Variants in RALYL observed in about 807,000 individuals in gnomAD.
RALYL encodes the protein RNA-binding Raly-like protein.
A neutral mutation model predicts 35.1 loss-of-function variants in RALYL; 29 were observed. The ratio of observed to expected loss-of-function variants is 0.83; its 90% CI spans 0.61 to 1.13. The LOEUF is 1.13. Among genes scored for constraint, RALYL ranks in the 50% most tolerant of loss-of-function variants. The probability of loss-of-function intolerance (pLI) is 0.00; values close to 1 mark genes in which losing one functional copy is unlikely to be tolerated. For synonymous variants in RALYL, 120 were observed against 127.6 expected (o/e 0.94, Z 0.40); for missense variants, 359 against 360.4 (o/e 1.00, Z 0.03).
intron 2 of RALYL, among the ~76,000 whole-genome samples, chr8:84,606,320 A>T (rs1292118823): frequency 6.6e-6 from 1 of 152,110 alleles, no homozygotes; most frequent in Non-Finnish European, 1.5e-5. Flanking sequence ...TTCAGCAAAA[A>T]TCCCCCAGTT....
At chr8:84,822,720 C>G (rs1328228490) in intron 4 of RALYL, among the ~76,000 whole-genome samples, 1 of 152,096 alleles carries the variant, frequency 6.6e-6, no homozygotes, top group African/African-American at 2.4e-5. Flanking sequence ...TTAGACTTAA[C>G]TAACAATATG....
At chr8:84,285,173 G>A (rs1451651876) in intron 1 of RALYL, among the ~76,000 whole-genome samples, 2 of 152,078 alleles carry the variant, frequency 1.3e-5, no homozygotes, top group African/African-American at 4.8e-5. Context: ...ACACGGCTCC[G>A]TGTCATCACT....
At chr8:84,491,592 A>T (rs1420720104) in intron 1 of RALYL, among the ~76,000 whole-genome samples, 2 of 151,986 alleles carry the variant, frequency 1.3e-5, no homozygotes, top group Non-Finnish European at 2.9e-5. Context: ...CTCAAAAGTG[A>T]TTTTGAGCTG....
chr8:84,706,202 C>A, intron 2 of RALYL: 1 of 767,622 alleles, frequency 1.3e-6, no homozygotes, highest in Non-Finnish European at 2.1e-6. Flanking sequence ...TAACCTTTAT[C>A]TTTATTCCTG....
intron 3 of RALYL, among the ~76,000 whole-genome samples, chr8:84,784,408 CTT>C (rs1818891460): frequency 6.6e-6 from 1 of 152,138 alleles, no homozygotes; most frequent in Non-Finnish European, 1.5e-5. Flanking sequence ...TAGTCTCACT[CTT>C]ACAATGTGAA....
At chr8:84,761,858 C>A (rs750853724) in intron 2 of RALYL, among the ~76,000 whole-genome samples, 7 of 152,036 alleles carry the variant, frequency 4.6e-5, no homozygotes, top group Non-Finnish European at 7.4e-5. Context: ...GTTATAAATC[C>A]TTTGGAAAAC....
chr8:84,789,815 A>G (rs1035949036), intron 3 of RALYL, among the ~76,000 whole-genome samples: 2 of 152,162 alleles, frequency 1.3e-5, no homozygotes, highest in Non-Finnish European at 2.9e-5. Flanking sequence ...AGCTGTAATC[A>G]CTCCAGCCAG....
intron 2 of RALYL, among the ~76,000 whole-genome samples, chr8:84,619,577 C>T (rs1244664925): frequency 6.9e-6 from 1 of 145,750 alleles, no homozygotes; most frequent in Non-Finnish European, 1.5e-5. Flanking sequence ...TTAATTGGAG[C>T]ATTTAGTCCA....
At chr8:84,276,984 T>C (rs1835518156) in intron 1 of RALYL, among the ~76,000 whole-genome samples, 1 of 152,190 alleles carries the variant, frequency 6.6e-6, no homozygotes, top group Admixed American at 6.5e-5. Flanking sequence ...GCAATGCTGA[T>C]GTAAGGTGAA....
At chr8:84,796,230 C>A (rs1358098511) in intron 3 of RALYL, among the ~76,000 whole-genome samples, 1 of 152,172 alleles carries the variant, frequency 6.6e-6, no homozygotes, top group Non-Finnish European at 1.5e-5. Context: ...CCTAATAAAT[C>A]TTTTGCTCTC....
At chr8:84,523,977 C>T (rs1345961758) in intron 1 of RALYL, among the ~76,000 whole-genome samples, 1 of 152,042 alleles carries the variant, frequency 6.6e-6, no homozygotes, top group East Asian at 1.9e-4. Flanking sequence ...AATAAACATA[C>T]ATGTGCATGT....
chr8:84,614,654 C>T lies in RALYL; in HGVS notation c.256+85077C>T, dbSNP rs943323514. Among the ~76,000 whole-genome samples, 28 of 151,292 alleles carry T rather than the reference C, an allele frequency of 1.9e-4. 1 individual carries two copies. Among genetic ancestry groups the T allele is most frequent in the African/African-American group, 5.6e-4 (23 of 40,842 alleles). ...TTGCCCTATTTTTAATGGCAAAAAC[C>T]ACAATTACCTTTGCACCAACCTACT... On this transcript the variant is annotated intron_variant, in intron 2 of 8. Coordinates refer to ENST00000521268, the MANE Select transcript of RALYL (RefSeq NM_173848.7).
intron 1 of RALYL, among the ~76,000 whole-genome samples, chr8:84,461,038 T>C (rs1029680791): frequency 6.6e-6 from 1 of 151,660 alleles, no homozygotes; most frequent in Non-Finnish European, 1.5e-5. Flanking sequence ...TTTTATTCTT[T>C]GCATTTTGAA....
At chr8:84,909,045 A>G (rs1280761563) in intron 8 of RALYL, among the ~76,000 whole-genome samples, 1 of 152,156 alleles carries the variant, frequency 6.6e-6, no homozygotes, top group East Asian at 1.9e-4. Flanking sequence ...CTCAGCAGGC[A>G]GATGGCCCTC....
intron 2 of RALYL, among the ~76,000 whole-genome samples, chr8:84,773,574 A>G (rs1484804544): frequency 6.6e-6 from 1 of 151,866 alleles, no homozygotes; most frequent in Non-Finnish European, 1.5e-5. Flanking sequence ...AGTTGTATGC[A>G]TAGACTGTTT....
chr8:84,445,986 T>C (rs2048810420), intron 1 of RALYL, among the ~76,000 whole-genome samples: 1 of 151,896 alleles, frequency 6.6e-6, no homozygotes, highest in South Asian at 2.1e-4. Context: ...AAAATATTGA[T>C]TTTCAAATTT....
chr8:84,454,643 T>C (rs2049929442), intron 1 of RALYL, among the ~76,000 whole-genome samples: 1 of 152,112 alleles, frequency 6.6e-6, no homozygotes, highest in African/African-American at 2.4e-5. Flanking sequence ...CTCCTTCACT[T>C]GGCATTCGCC....
intron 1 of RALYL, among the ~76,000 whole-genome samples, chr8:84,482,602 C>T (rs75049454): frequency 0.039 from 5,973 of 152,084 alleles, 234 homozygotes; most frequent in African/African-American, 0.098. Context: ...CCATAATGGT[C>T]ATGAAAACAG....
Position 84,185,105 on chromosome 8 carries a change from C to T in RALYL, c.-24+681C>T, listed in dbSNP as rs1326323306. ...GATCTTTTTTTTCCCTGTTGTGTTG[C>T]GTTGGTTTTAAGTGCCTGCTGGTGT... is the stretch of plus-strand genomic sequence containing the variant. On this transcript the variant is annotated intron_variant, in intron 1 of 8. Transcript: ENST00000521268. 12 of 1,427,532 alleles carry T rather than the reference C, an allele frequency of 8.4e-6. No individual in the cohort carries two copies. The East Asian group carries it at 2.7e-4, about 32-fold the overall frequency. 88.4% of individuals were successfully genotyped at this position (1,427,532 alleles called of 1,614,324 possible). A position where few individuals can be genotyped will look rare whatever the true frequency, so the allele number is the denominator to read the frequency against.
Sources: gnomAD v4.1 joint callset for allele counts (sites outside exome capture counted in the v4.1 genomes callset) on GRCh38, gnomAD v4.1.1 for gene constraint, MANE v1.5 for transcripts, NCBI Gene and HGNC (gene_info 2026-07-23, HGNC 2026-07-21) for gene names.